The following DACH2 variants were observed in gnomAD, a reference collection of about 807,000 sequenced individuals.
DACH2 encodes dachshund homolog 2.
Under a neutral mutation model 35.8 loss-of-function variants are expected in DACH2, and 17 were observed. That is an observed-to-expected ratio of 0.48 (90% CI 0.33 to 0.71). The LOEUF (loss-of-function observed/expected upper bound fraction) is 0.71, where lower values mean the gene tolerates loss of function less well. DACH2 is among the 30% of genes least tolerant of loss of function. DACH2 has a pLI of 0.02. For synonymous variants in DACH2, 195 were observed against 177.3 expected (o/e 1.10, Z -0.79); for missense variants, 469 against 472.7 (o/e 0.99, Z 0.07).
chrX:86,401,987 A>G (rs2036442391), intron 2 of DACH2, among the ~76,000 whole-genome samples: 1 of 112,084 alleles, frequency 8.9e-6, no homozygotes, highest in Admixed American at 9.5e-5. Context: ...ATCCAACATT[A>G]CTTTGTGATG....
At chrX:86,459,929 G>A (rs910196194) in intron 2 of DACH2, among the ~76,000 whole-genome samples, 2 of 110,657 alleles carry the variant, frequency 1.8e-5, no homozygotes, top group East Asian at 5.6e-4. Flanking sequence ...TGTCCAACCA[G>A]TGATTTTCAA....
At chrX:86,801,499 A>G (rs1268329138) in intron 7 of DACH2, among the ~76,000 whole-genome samples, 2 of 112,389 alleles carry the variant, frequency 1.8e-5, no homozygotes, top group African/African-American at 3.2e-5. Flanking sequence ...GAAGGAGATG[A>G]CTAATGAAAA....
At chrX:86,579,096 G>GT (rs770568711) in intron 3 of DACH2, among the ~76,000 whole-genome samples, 1,357 of 102,321 alleles carry the variant, frequency 0.013, 8 homozygotes, top group Non-Finnish European at 0.02. Flanking sequence ...TCACTTTTTA[G>GT]TTTTTTTTTT....
chrX:86,189,391 C>T (rs1055909372), intron 1 of DACH2, among the ~76,000 whole-genome samples: 2 of 111,717 alleles, frequency 1.8e-5, no homozygotes, highest in African/African-American at 6.5e-5. Flanking sequence ...GTTACATTCA[C>T]CTTCATCAAC....
intron 3 of DACH2, among the ~76,000 whole-genome samples, chrX:86,543,041 C>A (rs1776283690): frequency 8.9e-6 from 1 of 112,011 alleles, no homozygotes; most frequent in Admixed American, 9.5e-5. Context: ...AGAAGGTTGA[C>A]TAAATGAAGC....
chrX:86,270,651 C>T (rs1042001992), intron 1 of DACH2, among the ~76,000 whole-genome samples: 1 of 112,152 alleles, frequency 8.9e-6, no homozygotes, highest in Non-Finnish European at 1.9e-5. Context: ...TTATCAAAAC[C>T]TTCCACCCTT....
chrX:86,675,244 A>G (rs933944430), intron 4 of DACH2, among the ~76,000 whole-genome samples: 4 of 111,725 alleles, frequency 3.6e-5, no homozygotes, highest in Non-Finnish European at 7.5e-5. Flanking sequence ...GCTCAACTTA[A>G]TAATTGTACA....
At chrX:86,287,929 G>C (rs1433209692) in intron 1 of DACH2, among the ~76,000 whole-genome samples, 1 of 111,793 alleles carries the variant, frequency 8.9e-6, no homozygotes, top group Non-Finnish European at 1.9e-5. Flanking sequence ...TGTTTTCCTA[G>C]AGGGTCTTGA....
chrX:86,289,837 T>C (rs1245164729), intron 1 of DACH2, among the ~76,000 whole-genome samples: 2 of 109,264 alleles, frequency 1.8e-5, no homozygotes, highest in Non-Finnish European at 3.8e-5. Context: ...GACATTTGGG[T>C]TGGTTCCAAG....
At chrX:86,723,913 G>C (rs183919832) in intron 6 of DACH2, among the ~76,000 whole-genome samples, 31 of 109,971 alleles carry the variant, frequency 2.8e-4, no homozygotes, top group African/African-American at 1.0e-3. Context: ...TTTAAAGTCT[G>C]TTGTATCTGA....
At chrX:86,598,998 C>T (rs778355740) in intron 3 of DACH2, among the ~76,000 whole-genome samples, 5 of 109,925 alleles carry the variant, frequency 4.5e-5, no homozygotes, top group African/African-American at 1.7e-4. Flanking sequence ...GTTCCCCTTC[C>T]TGTGTCCAAG....
intron 2 of DACH2, among the ~76,000 whole-genome samples, chrX:86,424,680 T>C (rs1421569580): frequency 9.0e-6 from 1 of 111,652 alleles, no homozygotes; most frequent in African/African-American, 3.2e-5. Flanking sequence ...TATCTTTCTC[T>C]TGTATGATTG....
In DACH2 at chrX:86,597,850, T is replaced by C. The variant is rs760033611; in HGVS notation, c.641-53186T>C. 3.6e-5 allele frequency among the ~76,000 whole-genome samples: 4 copies of C among 111,784 alleles called. No individual in the cohort carries two copies. In the East Asian group the frequency reaches 8.5e-4, roughly 24 times the overall value. ...CTCCAGGGCTGTAATTTCAGGCACA[T>C]ATATTGTATTAGTCCGTTTTCACAC... On this transcript the variant is annotated intron_variant, in intron 3 of 11. Transcript: ENST00000373125.
intron 4 of DACH2, among the ~76,000 whole-genome samples, chrX:86,686,801 C>T (rs1477402462): frequency 8.9e-6 from 1 of 111,887 alleles, no homozygotes; most frequent in Non-Finnish European, 1.9e-5. Flanking sequence ...TATGGAAGAG[C>T]ACTGTGCCTT....
chrX:86,197,496 A>G (rs765425022), intron 1 of DACH2, among the ~76,000 whole-genome samples: 2 of 111,728 alleles, frequency 1.8e-5, no homozygotes, highest in Admixed American at 1.9e-4. Context: ...ATCCAATGGT[A>G]TGCTGTCTTC....
At chrX:86,739,662 G>A (rs2041632994) in intron 6 of DACH2, 85 bp from the exon 7 acceptor site, 17 of 1,083,480 alleles carry the variant, frequency 1.6e-5, no homozygotes, top group Non-Finnish European at 2.1e-5. Flanking sequence ...TAAGTGAGAG[G>A]TCAACATTTC....
intron 1 of DACH2, among the ~76,000 whole-genome samples, chrX:86,213,525 T>C (rs1056219742): frequency 4.4e-4 from 49 of 111,460 alleles, no homozygotes; most frequent in Non-Finnish European, 8.7e-4. Context: ...AGTCTCGTTT[T>C]CCTTGACCTT....
At chrX:86,765,698 G>GGTT (rs2041925913) in intron 7 of DACH2, among the ~76,000 whole-genome samples, 1 of 24,637 alleles carries the variant, frequency 4.1e-5, no homozygotes, top group Non-Finnish European at 6.5e-5. Flanking sequence ...TTGTTTTTTG[G>GGTT]TTTTTTTTTT....
chrX:86,576,499 G>A (rs1396102937), intron 3 of DACH2, among the ~76,000 whole-genome samples: 2 of 111,494 alleles, frequency 1.8e-5, no homozygotes, highest in African/African-American at 6.5e-5. Flanking sequence ...GGTTAGAAAA[G>A]TTTTACTGCA....
Sources: allele counts gnomAD v4.1 joint callset (sites outside exome capture counted in the v4.1 genomes callset), GRCh38; gene constraint gnomAD v4.1.1; transcripts MANE v1.5; gene names NCBI Gene and HGNC (gene_info 2026-07-23, HGNC 2026-07-21).